Variants in CDH18 observed in about 807,000 individuals in gnomAD.
CDH18 encodes the protein cadherin-18.
A neutral mutation model predicts 67.9 loss-of-function variants in CDH18; 31 were observed. That is an observed-to-expected ratio of 0.46 (90% CI 0.34 to 0.62). The LOEUF is 0.62. Among genes scored for constraint, CDH18 ranks in the 20% least tolerant of loss-of-function variants. The probability of loss-of-function intolerance (pLI) is 0.01; values close to 1 mark genes in which losing one functional copy is unlikely to be tolerated. For missense variants in CDH18, 890 were observed against 975.5 expected, an observed-to-expected ratio of 0.91 and a Z score of 1.17; for synonymous variants, 362 against 347.2, an observed-to-expected ratio of 1.04 and a Z score of -0.48.
At chr5:20,377,320 C>A (rs1743538952) in intron 1 of CDH18, among the ~76,000 whole-genome samples, 1 of 152,238 alleles carries the variant, frequency 6.6e-6, no homozygotes, top group African/African-American at 2.4e-5. Flanking sequence ...TACAAACTAA[C>A]ATATTTGAGT....
chr5:20,019,905 G>A (rs574850896), intron 2 of CDH18, among the ~76,000 whole-genome samples: 36 of 152,304 alleles, frequency 2.4e-4, no homozygotes, highest in Non-Finnish European at 4.9e-4. Flanking sequence ...ATTTCCTAGA[G>A]ACTTGTTAAA....
intron 2 of CDH18, among the ~76,000 whole-genome samples, chr5:20,042,138 TGA>T (rs1236847661): frequency 3.9e-5 from 6 of 152,232 alleles, no homozygotes; most frequent in African/African-American, 1.4e-4. Flanking sequence ...TTCCGCCAGC[TGA>T]GAGTACCTTT....
At chr5:20,036,140 A>G (rs1739838523) in intron 2 of CDH18, among the ~76,000 whole-genome samples, 1 of 152,058 alleles carries the variant, frequency 6.6e-6, no homozygotes, top group South Asian at 2.1e-4. Context: ...AGTACAATAA[A>G]ATAGATTCAT....
At chr5:20,441,708 T>A (rs1244811809) in intron 1 of CDH18, among the ~76,000 whole-genome samples, 1 of 151,884 alleles carries the variant, frequency 6.6e-6, no homozygotes, top group African/African-American at 2.4e-5. Context: ...GAAGCACTAT[T>A]TTTTTATCAT....
At chr5:20,097,264 C>G (rs1746067728) in intron 2 of CDH18, among the ~76,000 whole-genome samples, 2 of 151,968 alleles carry the variant, frequency 1.3e-5, no homozygotes, top group Non-Finnish European at 2.9e-5. Context: ...AAAAAATACC[C>G]AAGACTGGGT....
rs145085241 is a variant in CDH18 at position 20,500,476 on chromosome 5, A to G, written c.-580+74986T>C. The stretch of plus-strand genomic sequence containing the variant: ...TGAATTGGCCAGGGGCACCTGGGGA[A>G]TTGAACAACTCATCTCGCCTCTAAA... On this transcript the variant is annotated intron_variant, in intron 1 of 14. Coordinates refer to the CDH18 transcript ENST00000507958. 3.3e-3 allele frequency among the ~76,000 whole-genome samples: 499 copies of G among 152,280 alleles called. 6 individuals carry two copies. Among genetic ancestry groups the G allele is most frequent in the Admixed American group, 0.028 (428 of 15,282 alleles).
Position 19,483,409 on chromosome 5 carries a change from C to A in CDH18, c.1774G>T (p.Glu592Ter). The change falls in exon 12 of 13, where the codon GAG becomes TAG. Residue 592 changes from glutamate (E) to a stop codon, truncating the protein, a stop_gained. Coordinates refer to ENST00000382275, the MANE Select transcript of CDH18 (RefSeq NM_004934.5). LOFTEE classifies it high-confidence loss of function. ...STLTIRVCACERDGRVRTCHA... is the reference protein window; with the variant it reads ...STLTIRVCAC ...CAGGTCCGCACACGCCCATCTCTCT[C>A]GCATGCACAAACCCTGATGGTGAGG... 6.2e-7 allele frequency: 1 copy of A among 1,614,074 alleles called. No homozygotes were observed. The highest frequency in any genetic ancestry group is 8.5e-7 in the Non-Finnish European group (1 of 1,179,994).
chr5:19,753,563 CAAG>C (rs947350140), intron 3 of CDH18, among the ~76,000 whole-genome samples: 7 of 152,130 alleles, frequency 4.6e-5, no homozygotes, highest in Non-Finnish European at 1.0e-4. Context: ...CAGTGTTCTT[CAAG>C]AAGAAGAGAA....
At chr5:19,764,521 G>A (rs1310410173) in intron 3 of CDH18, among the ~76,000 whole-genome samples, 4 of 151,790 alleles carry the variant, frequency 2.6e-5, no homozygotes, top group Admixed American at 2.0e-4. Flanking sequence ...ACCAAGGCAT[G>A]AGTCACTTGA....
chr5:19,832,742 A>C (rs1026418776), intron 3 of CDH18, among the ~76,000 whole-genome samples: 1 of 152,110 alleles, frequency 6.6e-6, no homozygotes, highest in African/African-American at 2.4e-5. Flanking sequence ...AGTTTCCTGC[A>C]TATGTCTGGC....
Position 19,747,339 on chromosome 5 carries a change from C to A in CDH18, c.229-103G>T, listed in dbSNP as rs139323593. On this transcript the variant is annotated intron_variant, in intron 3 of 12. Transcript: ENST00000382275. ...TATAATTACTTTGGCTATGACTTTT[C>A]TTCCCTTTACAGTGCCCTGTGTGTT... The A allele has an allele frequency of 6.3e-6, 6 of 957,982 alleles. No homozygotes were observed. The African/African-American group carries it at 1.0e-4, about 16-fold the overall frequency. The allele number at this position is 957,982 out of a possible 1,614,324, so 59.3% of individuals were successfully genotyped here.
At chr5:19,837,945 C>T (rs950016481) in intron 3 of CDH18, among the ~76,000 whole-genome samples, 5 of 152,140 alleles carry the variant, frequency 3.3e-5, no homozygotes, top group Non-Finnish European at 5.9e-5. Flanking sequence ...CTCTCCAATT[C>T]CCACTTCGTT....
chr5:19,791,356 A>ACACACACAC, intron 3 of CDH18, among the ~76,000 whole-genome samples: 1 of 141,642 alleles, frequency 7.1e-6, no homozygotes, highest in South Asian at 2.3e-4. Flanking sequence ...TCGACTTTTA[A>ACACACACAC]ACACACACAC....
chr5:20,491,609 C>T lies in CDH18; in HGVS notation c.-580+83853G>A, dbSNP rs116063667. 7.7e-3 allele frequency among the ~76,000 whole-genome samples: 1,169 copies of T among 152,198 alleles called. 19 individuals are homozygous for T. The highest frequency in any genetic ancestry group is 0.026 in the African/African-American group (1,097 of 41,528). On this transcript the variant is annotated intron_variant, in intron 1 of 14. Coordinates refer to the CDH18 transcript ENST00000507958. ...TCAGGAAGCAACCAGTGTTGTAGGA[C>T]AAGTCCAAAGAGCATCAGCGGCAGA...
At chr5:20,065,320 C>T (rs553096440) in intron 2 of CDH18, among the ~76,000 whole-genome samples, 1 of 151,714 alleles carries the variant, frequency 6.6e-6, no homozygotes, top group Non-Finnish European at 1.5e-5. Context: ...ATTGATTTGG[C>T]TTAAAATGTT....
At chr5:20,520,549 C>T (rs1022145748) in intron 1 of CDH18, among the ~76,000 whole-genome samples, 11 of 152,052 alleles carry the variant, frequency 7.2e-5, no homozygotes, top group African/African-American at 2.7e-4. Context: ...TGCTAATATA[C>T]AAGCATGCTC....
At chr5:19,805,223 C>T (rs961222430) in intron 3 of CDH18, among the ~76,000 whole-genome samples, 28 of 152,110 alleles carry the variant, frequency 1.8e-4, no homozygotes, top group African/African-American at 5.1e-4. Context: ...ATTGGGATCA[C>T]AGACATGAGC....
chr5:20,279,725 A>AAAAAAAAAAAAAAAC lies in CDH18; in HGVS notation c.-579-24221_-579-24220insGTTTTTTTTTTTTTT, dbSNP rs59764100. ...AAAAAAAAAAAAAAAAAAAAAAAAA[A>AAAAAAAAAAAAAAAC]AAAGCAAAAACTGTAAGAGCGAGAT... On this transcript the variant is annotated intron_variant, in intron 1 of 14. Transcript: ENST00000507958. 4.5e-4 allele frequency among the ~76,000 whole-genome samples: 58 copies of AAAAAAAAAAAAAAAC among 128,854 alleles called. 5 individuals are homozygous for AAAAAAAAAAAAAAAC. The highest frequency in any genetic ancestry group is 1.7e-3 in the East Asian group (7 of 4,224). 84.5% of individuals were successfully genotyped at this position (128,854 alleles called of 152,430 possible). A position where few individuals can be genotyped will look rare whatever the true frequency, so the allele number is the denominator to read the frequency against.
At chr5:19,988,909 AT>A (rs1473784745), upstream of CDH18, among the ~76,000 whole-genome samples, 8 of 152,234 alleles carry the variant, frequency 5.3e-5, no homozygotes, top group East Asian at 1.6e-3. Context: ...CAGCATTTAT[AT>A]TTGTGAAGAC....
Sources: gnomAD v4.1 joint callset for allele counts (sites outside exome capture counted in the v4.1 genomes callset) on GRCh38, gnomAD v4.1.1 for gene constraint, MANE v1.5 for transcripts, NCBI Gene and HGNC (gene_info 2026-07-23, HGNC 2026-07-21) for gene names.